PLEKHF2: variants seen among roughly 807,000 people sequenced by gnomAD.
PLEKHF2 encodes pleckstrin homology domain-containing family F member 2.
PLEKHF2 carries 4 observed loss-of-function variants against 14.7 expected under a neutral mutation model. That is an observed-to-expected ratio of 0.27 (90% CI 0.13 to 0.62). The LOEUF is 0.62. PLEKHF2 is among the 20% of genes least tolerant of loss of function. The pLI is 0.85. For synonymous variants in PLEKHF2, 90 were observed against 103.5 expected (o/e 0.87, Z 0.79); for missense variants, 201 against 307.7 (o/e 0.65, Z 2.60).
chr8:95,150,049 A>G (rs576072570), intron 1 of PLEKHF2, among the ~76,000 whole-genome samples: 2 of 152,274 alleles, frequency 1.3e-5, no homozygotes, highest in South Asian at 4.1e-4. Flanking sequence ...CAGTTTACCA[A>G]AGAACATTAT....
intron 1 of PLEKHF2, among the ~76,000 whole-genome samples, chr8:95,148,187 C>A (rs1164114263): frequency 6.7e-6 from 1 of 150,042 alleles, no homozygotes; most frequent in East Asian, 1.9e-4. Context: ...TTTTATAAAG[C>A]TTTCTCTTAA....
Position 95,154,109 on chromosome 8 carries a change from T to G in PLEKHF2, c.65T>G (p.Phe22Cys), listed in dbSNP as rs1311457674. The G allele has an allele frequency of 1.9e-6, 3 of 1,613,852 alleles. No homozygotes were observed. The highest frequency in any genetic ancestry group is 2.5e-6 in the Non-Finnish European group (3 of 1,179,882). ...CGTATAAGTATAGTGGAAAACTGTTTTGGAGCAGCTGGTCAACCTTTAACT... is the reference window on the plus strand; with the variant it reads ...CGTATAAGTATAGTGGAAAACTGTTGTGGAGCAGCTGGTCAACCTTTAACT... ...TRRISIVENCFGAAGQPLTIP... is the reference protein window; with the variant it reads ...TRRISIVENCCGAAGQPLTIP... Residue 22 changes from phenylalanine to cysteine, a missense_variant, in exon 2 of 2, where the codon TTT becomes TGT. Physicochemically the swap from Phe to Cys is radical, Grantham distance 205. Transcript: ENST00000315367. The surrounding 1 kb of genome is among the most constrained non-coding windows in gnomAD (Gnocchi z 5.6).
At chr8:95,147,258 G>A (rs1326828437) in intron 1 of PLEKHF2, among the ~76,000 whole-genome samples, 1 of 151,896 alleles carries the variant, frequency 6.6e-6, no homozygotes. Context: ...AATAACTCCG[G>A]TGCACAGGTC....
chr8:95,138,255 C>T (rs1384328884), intron 1 of PLEKHF2, among the ~76,000 whole-genome samples: 1 of 151,260 alleles, frequency 6.6e-6, no homozygotes. Context: ...ACCCCAGTCT[C>T]GAAACATGTT....
At chr8:95,144,357 CTAGTACCCTAAAT>C (rs1284673599) in intron 1 of PLEKHF2, among the ~76,000 whole-genome samples, 14 of 152,180 alleles carry the variant, frequency 9.2e-5, no homozygotes. Context: ...ACTGCCTTTA[CTAGTACCCTAAAT>C]TAGTCATAGC....
chr8:95,150,864 G>T (rs1810554101), intron 1 of PLEKHF2, among the ~76,000 whole-genome samples: 1 of 152,130 alleles, frequency 6.6e-6, no homozygotes, highest in Non-Finnish European at 1.5e-5. Context: ...ACATCACAGA[G>T]AAATCAGATT....
intron 1 of PLEKHF2, among the ~76,000 whole-genome samples, chr8:95,140,176 A>G (rs1190500985): frequency 6.6e-6 from 1 of 152,162 alleles, no homozygotes; most frequent in African/African-American, 2.4e-5. Flanking sequence ...TCTCTCTCCT[A>G]AAACAAAGCT....
chr8:95,148,164 A>T (rs548777686), intron 1 of PLEKHF2, among the ~76,000 whole-genome samples: 1 of 151,762 alleles, frequency 6.6e-6, no homozygotes, highest in East Asian at 1.9e-4. Context: ...GAATTAAAAA[A>T]TTTGTTATAA....
chr8:95,143,573 A>G (rs1810460371), intron 1 of PLEKHF2, among the ~76,000 whole-genome samples: 1 of 152,198 alleles, frequency 6.6e-6, no homozygotes, highest in African/African-American at 2.4e-5. Context: ...AGGCTATCGA[A>G]CTGAGTGTGT....
intron 1 of PLEKHF2, among the ~76,000 whole-genome samples, chr8:95,145,674 T>C (rs1425390505): frequency 6.6e-6 from 1 of 152,218 alleles, no homozygotes; most frequent in Non-Finnish European, 1.5e-5. Context: ...TCTGCCCACC[T>C]TGGCCTCCCA....
At chr8:95,146,519 T>C (rs1461502640) in intron 1 of PLEKHF2, among the ~76,000 whole-genome samples, 1 of 152,006 alleles carries the variant, frequency 6.6e-6, no homozygotes, top group African/African-American at 2.4e-5. Context: ...TGTCTTTTTT[T>C]TTTTTTTTAA....
In PLEKHF2 at chr8:95,145,774, C is replaced by T. The variant is rs573356706; in HGVS notation, c.-14-8257C>T. ...CCTAATGATTTATTGAGACTCTTAC[C>T]AAGAATTCCCTGATTATTATTCTGG... On this transcript the variant is annotated intron_variant, in intron 1 of 1. Coordinates refer to ENST00000315367, the MANE Select transcript of PLEKHF2 (RefSeq NM_024613.4). 2.0e-5 allele frequency among the ~76,000 whole-genome samples: 3 copies of T among 152,236 alleles called. No individual in the cohort carries two copies. The South Asian group carries it at 6.2e-4, about 32-fold the overall frequency.
At chr8:95,147,476 A>T (rs886940930) in intron 1 of PLEKHF2, among the ~76,000 whole-genome samples, 2 of 152,046 alleles carry the variant, frequency 1.3e-5, no homozygotes, top group African/African-American at 4.8e-5. Flanking sequence ...AACAAAATTT[A>T]CTTATTTTAA....
intron 1 of PLEKHF2, among the ~76,000 whole-genome samples, chr8:95,151,865 A>G (rs1434744776): frequency 6.6e-6 from 1 of 152,100 alleles, no homozygotes; most frequent in Non-Finnish European, 1.5e-5. Flanking sequence ...TGTTGATAGT[A>G]TAGTATATAT....
At chr8:95,136,656 A>G (rs1055575044) in intron 1 of PLEKHF2, among the ~76,000 whole-genome samples, 6 of 152,226 alleles carry the variant, frequency 3.9e-5, no homozygotes, top group African/African-American at 1.4e-4. Flanking sequence ...TTATAGCTCT[A>G]TCAATTATTG....
At position 95,154,272 on chromosome 8, in the gene PLEKHF2, A is replaced by G. The variant is rs1810590479; in HGVS notation, c.228A>G (p.Lys76=). The change falls in exon 2 of 2, where the codon AAA becomes AAG. Residue 76 remains lysine, a synonymous_variant. Coordinates refer to ENST00000315367, the MANE Select transcript of PLEKHF2 (RefSeq NM_024613.4). This position sits in a 1 kb window ranked among gnomAD's most constrained non-coding sequence, Gnocchi z 5.6. The part of the protein sequence containing the change: ...NIVIQKKKYN[K]QHIIPLENVT... ...TCATCCAGAAGAAAAAATATAACAA[A>G]CAACATATTATTCCCCTGGAAAATG... 1 of 1,613,960 alleles carries G rather than the reference A, an allele frequency of 6.2e-7. No individual in the cohort carries two copies. The highest frequency in any genetic ancestry group is 8.5e-7 in the Non-Finnish European group (1 of 1,179,890).
At chr8:95,150,519 T>C (rs768468865) in intron 1 of PLEKHF2, among the ~76,000 whole-genome samples, 19 of 152,202 alleles carry the variant, frequency 1.2e-4, no homozygotes, top group Non-Finnish European at 2.2e-4. Flanking sequence ...TGTCAAACTT[T>C]GAAAGCTATT....
intron 1 of PLEKHF2, among the ~76,000 whole-genome samples, chr8:95,152,917 A>G (rs190370177): frequency 6.6e-6 from 1 of 152,304 alleles, no homozygotes; most frequent in Admixed American, 6.5e-5. Flanking sequence ...TGGTTATAGT[A>G]TAGTAGTATT....
intron 1 of PLEKHF2, among the ~76,000 whole-genome samples, chr8:95,138,360 C>CCCG (rs1235524229): frequency 1.2e-5 from 1 of 81,110 alleles, no homozygotes; most frequent in African/African-American, 5.4e-5. Flanking sequence ...TCTTCCCCCC[C>CCCG]CCCCCGCCCC....
Sources: allele counts gnomAD v4.1 joint callset (sites outside exome capture counted in the v4.1 genomes callset), GRCh38; gene constraint gnomAD v4.1.1; non-coding constraint Gnocchi (gnomAD v3.1); transcripts MANE v1.5; gene names NCBI Gene and HGNC (gene_info 2026-07-23, HGNC 2026-07-21).